Variants in WDR1 observed in about 807,000 individuals in gnomAD.
The protein encoded by WDR1 is WD repeat domain 1.
Under a neutral mutation model 71.9 loss-of-function variants are expected in WDR1, and 21 were observed. The observed-to-expected ratio is 0.29, with a 90% CI of 0.21 to 0.42. The LOEUF is 0.42. Ranked by LOEUF, WDR1 falls within the 10% of genes least tolerant of loss-of-function variation. The pLI, the probability that WDR1 is intolerant of heterozygous loss-of-function variation, is 1.00. For synonymous variants in WDR1, 424 were observed against 347.4 expected (o/e 1.22, Z -2.45); for missense variants, 696 against 824.5 (o/e 0.84, Z 1.91).
chr4:10,110,529 C>G (rs546214442), intron 2 of WDR1, among the ~76,000 whole-genome samples: 1 of 152,198 alleles, frequency 6.6e-6, no homozygotes, highest in Non-Finnish European at 1.5e-5. Flanking sequence ...TGTTTCCTGC[C>G]TGGTTTCTCC....
At chr4:10,088,811 T>A in intron 5 of WDR1, 70 bp from the exon 6 acceptor site, 4 of 1,187,548 alleles carry the variant, frequency 3.4e-6, no homozygotes, top group Non-Finnish European at 4.9e-6. Flanking sequence ...ATGCTCTCTA[T>A]GAAACACAGC....
intron 2 of WDR1, among the ~76,000 whole-genome samples, chr4:10,112,463 T>C (rs571569814): frequency 6.6e-6 from 1 of 152,292 alleles, no homozygotes; most frequent in African/African-American, 2.4e-5. Flanking sequence ...AGTCTTTCAC[T>C]CTACAGAGGA....
intron 7 of WDR1, 27 bp downstream of exon 7, chr4:10,088,266 T>C (rs1711718906): frequency 6.5e-7 from 1 of 1,548,458 alleles, no homozygotes; most frequent in South Asian, 1.2e-5. Context: ...TTCCCACCAC[T>C]AGGCCGGGAA....
chr4:10,098,597 G>C (rs537399207), intron 4 of WDR1, among the ~76,000 whole-genome samples: 32 of 152,190 alleles, frequency 2.1e-4, no homozygotes, highest in Non-Finnish European at 4.4e-5. Flanking sequence ...CCTTGGGGGA[G>C]GTGCCCAGCT....
chr4:10,110,844 T>C (rs1327100877), intron 2 of WDR1, among the ~76,000 whole-genome samples: 1 of 152,212 alleles, frequency 6.6e-6, no homozygotes, highest in Non-Finnish European at 1.5e-5. Flanking sequence ...CAGATACCAG[T>C]GGCACAAAAA....
intron 8 of WDR1, among the ~76,000 whole-genome samples, chr4:10,085,092 G>A (rs1765161074): frequency 6.6e-6 from 1 of 152,222 alleles, no homozygotes. Flanking sequence ...TGCTGCAGTG[G>A]AGGGCACACA....
chr4:10,100,514 C>A (rs923245426), intron 3 of WDR1, among the ~76,000 whole-genome samples: 1 of 152,226 alleles, frequency 6.6e-6, no homozygotes. Flanking sequence ...GCAGACACAG[C>A]CCGAGCCTAG....
At position 10,075,026 on chromosome 4, in the gene WDR1, C is replaced by T. The variant is rs1445153372; in HGVS notation, c.*352G>A. On this transcript the variant is annotated 3_prime_UTR_variant, in exon 15 of 15. Coordinates refer to ENST00000499869, the MANE Select transcript of WDR1 (RefSeq NM_017491.5). ...GGCTCATTCACCTGTACAACCTCCC[C>T]TGACAGATAGTGAGAGCCGCGGCGG... The T allele has an allele frequency of 2.7e-6, 1 of 376,156 alleles. No homozygotes were observed. Among genetic ancestry groups the T allele is most frequent in the Non-Finnish European group, 4.8e-6 (1 of 208,338 alleles). The allele number at this position is 376,156 out of a possible 1,614,324, so 23.3% of individuals were successfully genotyped here. A position where few individuals can be genotyped will look rare whatever the true frequency, so the allele number is the denominator to read the frequency against.
intron 2 of WDR1, chr4:10,106,669 G>C (rs1474996135): frequency 1.3e-5 from 2 of 152,382 alleles, no homozygotes; most frequent in Non-Finnish European, 2.9e-5. Context: ...TAAATGGTCA[G>C]GGCTGTGTGT....
chr4:10,110,207 C>G (rs1434000901), intron 2 of WDR1, among the ~76,000 whole-genome samples: 1 of 152,198 alleles, frequency 6.6e-6, no homozygotes, highest in African/African-American at 2.4e-5. Context: ...AAGGAGCAGG[C>G]ACATCGCCAG....
intron 8 of WDR1, among the ~76,000 whole-genome samples, chr4:10,086,931 G>A (rs1578423961): frequency 6.6e-6 from 1 of 152,268 alleles, no homozygotes; most frequent in Admixed American, 6.5e-5. Flanking sequence ...GGATACAGAA[G>A]GGACCCCTGC....
intron 2 of WDR1, among the ~76,000 whole-genome samples, chr4:10,112,643 G>A (rs961605297): frequency 2.6e-5 from 4 of 152,228 alleles, no homozygotes; most frequent in African/African-American, 4.8e-5. Flanking sequence ...AACGGTGCTC[G>A]CCTCTTAGGT....
chr4:10,116,743 A>G lies in WDR1; in HGVS notation c.-77T>C. On this transcript the variant is annotated 5_prime_UTR_variant, in exon 1 of 15. Transcript: ENST00000499869. ...CCGCGCTGCGAATTACACCTCGCCG[A>G]GGCCGAGCCCGGGGACTGGAGCCGG... The G allele has an allele frequency of 7.9e-7, 1 of 1,267,572 alleles. No homozygotes were observed. The highest frequency in any genetic ancestry group is 1.0e-6 in the Non-Finnish European group (1 of 1,003,846). 78.5% of individuals were successfully genotyped at this position (1,267,572 alleles called of 1,614,324 possible).
chr4:10,116,011 C>T, intron 2 of WDR1, 102 bp downstream of exon 2: 2 of 1,487,244 alleles, frequency 1.3e-6, no homozygotes, highest in Non-Finnish European at 1.8e-6. Context: ...CCTCACCCTC[C>T]CCGGGCCAAT....
At chr4:10,085,556 C>G (rs1360762895) in intron 8 of WDR1, among the ~76,000 whole-genome samples, 1 of 152,234 alleles carries the variant, frequency 6.6e-6, no homozygotes, top group Non-Finnish European at 1.5e-5. Flanking sequence ...CTCAGGCCCA[C>G]CTTCCTGCCA....
rs1713761181 is a variant in WDR1, at chr4:10,116,660, A to G, written c.7T>C (p.Tyr3His). The G allele has an allele frequency of 1.5e-6, 2 of 1,342,884 alleles. No homozygotes were observed. Among genetic ancestry groups the G allele is most frequent in the Admixed American group, 2.8e-5 (1 of 35,654 alleles). The allele number at this position is 1,342,884 out of a possible 1,614,324, so 83.2% of individuals were successfully genotyped here. A position where few individuals can be genotyped will look rare whatever the true frequency, so the allele number is the denominator to read the frequency against. MP[Y>H]EIKKVFASLP... ...GCGCCGCGGCACTTACTGATCTCGT[A>G]CGGCATCCTCGCCCACTTGTTACCG... Residue 3 changes from tyrosine to histidine, a missense_variant, in exon 1 of 15, where the codon TAC (tyrosine) becomes CAC (histidine). Physicochemically the swap from Tyr to His is moderately conservative, Grantham distance 83. Transcript: ENST00000499869.
At chr4:10,116,088 C>A (rs368365803) in intron 2 of WDR1, 25 bp downstream of exon 2, 1 of 1,604,870 alleles carries the variant, frequency 6.2e-7, no homozygotes, top group Non-Finnish European at 8.5e-7. Flanking sequence ...GGAGCAGAAC[C>A]GCGCCCGGGG....
chr4:10,098,589 T>C (rs570065954), intron 4 of WDR1, among the ~76,000 whole-genome samples: 1 of 152,276 alleles, frequency 6.6e-6, no homozygotes, highest in Non-Finnish European at 1.5e-5. Context: ...TCAGAGACCC[T>C]TGGGGGAGGT....
intron 5 of WDR1, among the ~76,000 whole-genome samples, chr4:10,090,678 C>T (rs1257249847): frequency 2.0e-5 from 3 of 152,204 alleles, no homozygotes. Context: ...GGACACAGGC[C>T]CAGCAGGCCC....
Sources: gnomAD v4.1 joint callset for allele counts (sites outside exome capture counted in the v4.1 genomes callset) on GRCh38, gnomAD v4.1.1 for gene constraint, MANE v1.5 for transcripts, NCBI Gene and HGNC (gene_info 2026-07-23, HGNC 2026-07-21) for gene names.